The following TBC1D8B variants were observed in gnomAD, a reference collection of about 807,000 sequenced individuals.
The protein encoded by TBC1D8B is TBC1 domain family member 8B.
In TBC1D8B, 75 loss-of-function variants were observed where a neutral mutation model predicts 82.9. The ratio of observed to expected loss-of-function variants is 0.90; its 90% CI spans 0.75 to 1.10. The LOEUF is 1.10. TBC1D8B is among the 50% of genes least tolerant of loss of function. The probability of loss-of-function intolerance (pLI) is 0.00; values close to 1 mark genes in which losing one functional copy is unlikely to be tolerated. For missense variants in TBC1D8B, 794 were observed against 796.9 expected (o/e 1.00, Z 0.04); for synonymous variants, 276 against 276.8 (o/e 1.00, Z 0.03).
intron 4 of TBC1D8B, among the ~76,000 whole-genome samples, chrX:106,822,680 A>G (rs1253442346): frequency 9.0e-6 from 1 of 111,103 alleles, no homozygotes; most frequent in Non-Finnish European, 1.9e-5. Context: ...TAAATATCAA[A>G]TCAGAATCAT....
At position 106,870,774 on chromosome X, in the gene TBC1D8B, A is replaced by T. The variant is rs757870224; in HGVS notation, c.2928A>T (p.Lys976Asn). 16 of 1,200,985 alleles carry T rather than the reference A, an allele frequency of 1.3e-5. No individual in the cohort carries two copies. Among genetic ancestry groups the T allele is most frequent in the Admixed American group, 2.2e-5 (1 of 44,939 alleles). Residue 976 changes from lysine to asparagine, a missense_variant, in exon 20 of 21, where the codon AAA becomes AAT. By Grantham distance (94) the Lys-to-Asn change is moderately conservative. Transcript: ENST00000357242. The part of the protein sequence containing the change: ...YLSQWQDELF[K>N]KEENIKDLPR... ...GTCAATGGCAAGATGAGCTTTTCAA[A>T]AAAGAAGAAAACATTAAGGATTTAC...
At chrX:106,868,652 T>C (rs929446175) in intron 18 of TBC1D8B, among the ~76,000 whole-genome samples, 176 bp downstream of exon 18, 2 of 112,179 alleles carry the variant, frequency 1.8e-5, no homozygotes, top group Admixed American at 9.5e-5. Flanking sequence ...CCAAATTGCA[T>C]TTTGGTGCTT....
rs1205741989 is a variant in TBC1D8B at position 106,875,428 on chromosome X, C to CA, written c.*1465dup. The CA allele has an allele frequency of 1.8e-5, 2 of 111,736 alleles. No homozygotes were observed. The highest frequency in any genetic ancestry group is 7.6e-4 in the South Asian group (2 of 2,620). 9.2% of individuals were successfully genotyped at this position (111,736 alleles called of 1,213,427 possible). On this transcript the variant is annotated 3_prime_UTR_variant, in exon 21 of 21. Transcript: ENST00000357242. The stretch of plus-strand genomic sequence containing the variant: ...AGAATATGTTATTTTCAAAGAAGTT[C>CA]AAGAATTTTCAAGTTGAGCCTTTGA...
At chrX:106,855,105 G>T (rs1193047481) in intron 14 of TBC1D8B, among the ~76,000 whole-genome samples, 1 of 111,850 alleles carries the variant, frequency 8.9e-6, no homozygotes, top group Non-Finnish European at 1.9e-5. Context: ...TACTGTTTGA[G>T]CTTTTATCAT....
chrX:106,817,665 T>G (rs747321507), intron 1 of TBC1D8B, among the ~76,000 whole-genome samples: 13 of 111,283 alleles, frequency 1.2e-4, no homozygotes, highest in African/African-American at 4.2e-4. Context: ...CTGAAACACT[T>G]CTGGTCACAA....
At chrX:106,840,991 GAGAT>G (rs1932292740) in intron 10 of TBC1D8B, 107 bp downstream of exon 10, 5 of 598,872 alleles carry the variant, frequency 8.3e-6, no homozygotes, top group Admixed American at 6.0e-5. Context: ...AGATGGGGGT[GAGAT>G]AGATAGAGCA....
chrX:106,829,631 A>G (rs1268854161), intron 7 of TBC1D8B: 2 of 105,128 alleles, frequency 1.9e-5, no homozygotes, highest in East Asian at 2.9e-4. Context: ...GCCCTCAGAA[A>G]TAATGCCGCA....
intron 1 of TBC1D8B, among the ~76,000 whole-genome samples, chrX:106,804,292 G>C (rs1488878144): frequency 9.0e-6 from 1 of 110,831 alleles, no homozygotes; most frequent in Non-Finnish European, 1.9e-5. Context: ...CTGTTATTTC[G>C]TTTTCAAGCC....
chrX:106,876,062 T>C lies in TBC1D8B; in HGVS notation c.*2097T>C, dbSNP rs193053795. ...CGTAGTTGTGTTAAACTGAACCAGT[T>C]CATTATACCTTATGCATTAAATTAA... On this transcript the variant is annotated 3_prime_UTR_variant, in exon 21 of 21. Coordinates refer to ENST00000357242, the MANE Select transcript of TBC1D8B (RefSeq NM_017752.3). 8.9e-6 allele frequency: 1 copy of C among 111,880 alleles called. No individual in the cohort carries two copies. The highest frequency in any genetic ancestry group is 3.2e-5 in the African/African-American group (1 of 30,833). 9.2% of individuals were successfully genotyped at this position (111,880 alleles called of 1,213,427 possible).
At position 106,849,206 on chromosome X, in the gene TBC1D8B, A is replaced by G. The variant is rs373123200; in HGVS notation, c.1838-819A>G. 52 of 1,099,703 alleles carry G rather than the reference A, an allele frequency of 4.7e-5. No individual in the cohort carries two copies. The African/African-American group carries it at 9.2e-4, about 20-fold the overall frequency. The allele number at this position is 1,099,703 out of a possible 1,213,427, so 90.6% of individuals were successfully genotyped here. ...GTCATCGATTTTACTGTCTTTCATT[A>G]TAATTATTTGTGTATTTTTTTTTTT... is the stretch of plus-strand genomic sequence containing the variant. On this transcript the variant is annotated intron_variant, in intron 11 of 20. Transcript: ENST00000357242.
chrX:106,816,198 G>A (rs1931537118), intron 1 of TBC1D8B, among the ~76,000 whole-genome samples: 1 of 111,665 alleles, frequency 9.0e-6, no homozygotes, highest in South Asian at 3.7e-4. Context: ...AAGCTGATAA[G>A]CAACTTTAGC....
chrX:106,871,926 A>C (rs5962764), intron 20 of TBC1D8B, among the ~76,000 whole-genome samples: 19,633 of 110,904 alleles, frequency 0.18, 4,306 homozygotes, highest in African/African-American at 0.62. Context: ...GCTTCTCTCC[A>C]CGTGGAGTTG....
chrX:106,862,569 A>T (rs1295429647), intron 14 of TBC1D8B, among the ~76,000 whole-genome samples: 1 of 110,080 alleles, frequency 9.1e-6, no homozygotes. Flanking sequence ...CTTCATTTCT[A>T]TGTAGATTCT....
intron 10 of TBC1D8B, among the ~76,000 whole-genome samples, chrX:106,847,910 G>A (rs1320627573): frequency 9.0e-6 from 1 of 111,377 alleles, no homozygotes; most frequent in Non-Finnish European, 1.9e-5. Context: ...TTCACTCTTC[G>A]AAATTAGAGA....
At chrX:106,860,107 G>A (rs1259692395) in intron 14 of TBC1D8B, among the ~76,000 whole-genome samples, 1 of 111,333 alleles carries the variant, frequency 9.0e-6, no homozygotes, top group Non-Finnish European at 1.9e-5. Context: ...AGTTTGTTGA[G>A]GATTTTTGCA....
chrX:106,834,163 A>C (rs1932112443), intron 7 of TBC1D8B, among the ~76,000 whole-genome samples: 1 of 111,514 alleles, frequency 9.0e-6, no homozygotes, highest in African/African-American at 3.3e-5. Context: ...GTAATTTATA[A>C]AGAAAAGAGG....
chrX:106,811,154 G>A (rs949245091), intron 1 of TBC1D8B, among the ~76,000 whole-genome samples: 5 of 111,427 alleles, frequency 4.5e-5, no homozygotes, highest in South Asian at 3.8e-4. Flanking sequence ...AATGTTCCAG[G>A]GAGGGAGAGG....
rs1326551501 is a variant in TBC1D8B, at chrX:106,823,266, A to G, written c.627A>G (p.Glu209=). The stretch of plus-strand genomic sequence containing the variant: ...CCTGGGATGAAGTCTCAAAACTTGA[A>G]AAGACTTCAAATGTCATACTGACAG... ...IISWDEVSKL[E]KTSNVILTES... Residue 209 remains glutamate, a synonymous_variant, in exon 5 of 21, where the codon GAA becomes GAG. Coordinates refer to ENST00000357242, the MANE Select transcript of TBC1D8B (RefSeq NM_017752.3). 2 of 1,208,420 alleles carry G rather than the reference A, an allele frequency of 1.7e-6. No homozygotes were observed. Among genetic ancestry groups the G allele is most frequent in the East Asian group, 3.0e-5 (1 of 33,709 alleles).
chrX:106,845,739 C>T (rs1277034002), intron 10 of TBC1D8B, among the ~76,000 whole-genome samples: 1 of 110,972 alleles, frequency 9.0e-6, no homozygotes, highest in Non-Finnish European at 1.9e-5. Flanking sequence ...GAATATGTCA[C>T]AGTTTTTCAA....
Sources: gnomAD v4.1 joint callset for allele counts (sites outside exome capture counted in the v4.1 genomes callset) on GRCh38, gnomAD v4.1.1 for gene constraint, MANE v1.5 for transcripts, NCBI Gene and HGNC (gene_info 2026-07-23, HGNC 2026-07-21) for gene names.